Variants in RIGI observed in about 807,000 individuals in gnomAD.
The protein encoded by RIGI is antiviral innate immune response receptor RIG-I.
the RIGI span, among the ~76,000 whole-genome samples, chr9:32,513,395 G>C: frequency 2.6e-5 from 4 of 152,100 alleles, no homozygotes; most frequent in African/African-American, 9.7e-5. Context: ...TAGACCAATG[G>C]AACAGAACAG....
At chr9:32,504,911 T>C in the RIGI span, among the ~76,000 whole-genome samples, 1 of 139,226 alleles carries the variant, frequency 7.2e-6, no homozygotes, top group Non-Finnish European at 1.5e-5. Context: ...AAGTATATAT[T>C]ATATCTATTA....
At chr9:32,460,928 C>T in the RIGI span, among the ~76,000 whole-genome samples, 1 of 151,982 alleles carries the variant, frequency 6.6e-6, no homozygotes, top group African/African-American at 2.4e-5. Context: ...GCTACATCAA[C>T]CAGGATTCAA....
At chr9:32,488,053 CAAAGT>C in the RIGI span, 1 of 1,614,110 alleles carries the variant, frequency 6.2e-7, no homozygotes, top group Non-Finnish European at 8.5e-7. Flanking sequence ...CAAATATCAT[CAAAGT>C]AAAGATGGAT....
the RIGI span, among the ~76,000 whole-genome samples, chr9:32,514,751 A>G: frequency 2.0e-5 from 3 of 152,326 alleles, no homozygotes; most frequent in South Asian, 2.1e-4. Context: ...TGACTATTGC[A>G]CTTACCTTTG....
At chr9:32,485,602 G>T in the RIGI span, 1 of 411,676 alleles carries the variant, frequency 2.4e-6, no homozygotes, top group Non-Finnish European at 4.6e-6. Flanking sequence ...GTACAGTGGC[G>T]CGATCTCGGC....
the RIGI span, among the ~76,000 whole-genome samples, chr9:32,480,041 C>T: frequency 1.3e-5 from 2 of 152,114 alleles, no homozygotes; most frequent in African/African-American, 4.8e-5. Flanking sequence ...ACAGACTCTT[C>T]CCATAGGTAC....
chr9:32,488,559 A>T, the RIGI span, among the ~76,000 whole-genome samples: 2 of 152,152 alleles, frequency 1.3e-5, no homozygotes. Context: ...GGGGAGTTTA[A>T]GTTTTCTGGT....
At chr9:32,524,183 A>G in the RIGI span, among the ~76,000 whole-genome samples, 1 of 152,060 alleles carries the variant, frequency 6.6e-6, no homozygotes, top group Non-Finnish European at 1.5e-5. Flanking sequence ...CACACTAATC[A>G]CTATTAGGGC....
At chr9:32,463,017 C>T in the RIGI span, among the ~76,000 whole-genome samples, 1 of 152,160 alleles carries the variant, frequency 6.6e-6, no homozygotes, top group African/African-American at 2.4e-5. Flanking sequence ...ATTAGTGATG[C>T]GTGGTGGCAC....
the RIGI span, among the ~76,000 whole-genome samples, chr9:32,507,328 GAGA>G: frequency 2.6e-5 from 4 of 152,232 alleles, no homozygotes; most frequent in East Asian, 7.7e-4. Flanking sequence ...AGAATTGGAG[GAGA>G]AGGATATATT....
At chr9:32,496,720 T>C in the RIGI span, among the ~76,000 whole-genome samples, 5 of 152,216 alleles carry the variant, frequency 3.3e-5, no homozygotes, top group African/African-American at 1.2e-4. Context: ...CACATAAATA[T>C]ATCCTATTGC....
chr9:32,475,000 G>A, the RIGI span, among the ~76,000 whole-genome samples: 7 of 152,178 alleles, frequency 4.6e-5, no homozygotes, highest in South Asian at 4.2e-4. Flanking sequence ...TCACTCGGCT[G>A]GAGAGCAGTG....
the RIGI span, among the ~76,000 whole-genome samples, chr9:32,469,594 C>G: frequency 1.3e-4 from 20 of 152,308 alleles, no homozygotes; most frequent in East Asian, 3.5e-3. Context: ...AGCAGCCACA[C>G]CCCCTTCTAC....
At chr9:32,499,254 T>C in the RIGI span, among the ~76,000 whole-genome samples, 11 of 150,790 alleles carry the variant, frequency 7.3e-5, no homozygotes, top group African/African-American at 2.7e-4. Flanking sequence ...TAATATATTC[T>C]AGATTCTAAT....
At chr9:32,480,144 G>A in the RIGI span, 35,258 of 1,498,084 alleles carry the variant, frequency 0.024, 502 homozygotes, top group Non-Finnish European at 0.027. Flanking sequence ...TATATTAAAT[G>A]CAATACATGT....
At chr9:32,472,987 T>G in the RIGI span, 1 of 1,608,660 alleles carries the variant, frequency 6.2e-7, no homozygotes, top group South Asian at 1.1e-5. Flanking sequence ...GTGTTCTGAT[T>G]TGTTTTGCCA....
the RIGI span, among the ~76,000 whole-genome samples, chr9:32,510,532 A>G: frequency 6.6e-6 from 1 of 152,230 alleles, no homozygotes; most frequent in African/African-American, 2.4e-5. Context: ...ACAGACAAGC[A>G]AATGCTGAGA....
the RIGI span, among the ~76,000 whole-genome samples, chr9:32,467,519 T>C: frequency 6.6e-6 from 1 of 152,340 alleles, no homozygotes. Flanking sequence ...GTTGGAATTA[T>C]TCTTCCATAA....
the RIGI span, among the ~76,000 whole-genome samples, chr9:32,517,148 G>A: frequency 1.3e-5 from 2 of 152,296 alleles, no homozygotes; most frequent in East Asian, 1.9e-4. Flanking sequence ...TCCACATGAC[G>A]TTCTTCTGTA....
Sources: gnomAD v4.1 joint callset for allele counts (sites outside exome capture counted in the v4.1 genomes callset) on GRCh38, gnomAD v4.1.1 for gene constraint, MANE v1.5 for transcripts, NCBI Gene and HGNC (gene_info 2026-07-23, HGNC 2026-07-21) for gene names.